Variants in FAM227B observed in about 807,000 individuals in gnomAD.
FAM227B encodes the protein protein FAM227B.
Under a neutral mutation model 73.8 loss-of-function variants are expected in FAM227B, and 88 were observed. That is an observed-to-expected ratio of 1.19 (90% CI 1.00 to 1.42). The LOEUF is 1.42. Among genes scored for constraint, FAM227B ranks in the 40% most tolerant of loss-of-function variants. The pLI is 0.00. For missense variants in FAM227B, 632 were observed against 590.9 expected (o/e 1.07, Z -0.72); for synonymous variants, 210 against 190.5 (o/e 1.10, Z -0.84).
At chr15:49,590,177 TACTAAA>T in intron 3 of FAM227B, among the ~76,000 whole-genome samples, 170 bp from the exon 4 acceptor site, 1 of 152,312 alleles carries the variant, frequency 6.6e-6, no homozygotes. Context: ...ACAAGTCCTT[TACTAAA>T]ACTATTTTCC....
intron 10 of FAM227B, among the ~76,000 whole-genome samples, chr15:49,523,856 A>T (rs938808859): frequency 7.2e-5 from 11 of 152,220 alleles, no homozygotes; most frequent in Non-Finnish European, 1.6e-4. Flanking sequence ...TTTAGCAAAG[A>T]GACTGGTGGC....
intron 3 of FAM227B, among the ~76,000 whole-genome samples, chr15:49,608,305 T>C (rs1334440974): frequency 1.3e-5 from 2 of 152,130 alleles, no homozygotes; most frequent in Admixed American, 6.5e-5. Context: ...ATTTTAATTA[T>C]AGCAATTAAC....
chr15:49,378,033 G>T, intron 11 of FAM227B, among the ~76,000 whole-genome samples: 1 of 152,064 alleles, frequency 6.6e-6, no homozygotes, highest in East Asian at 1.9e-4. Context: ...ATTTCATTTT[G>T]TCTATGACAA....
intron 13 of FAM227B, among the ~76,000 whole-genome samples, chr15:49,335,971 A>C (rs2039638959): frequency 6.6e-6 from 1 of 152,046 alleles, no homozygotes; most frequent in Non-Finnish European, 1.5e-5. Flanking sequence ...CTCCTGCCTC[A>C]GCTTCCTGAG....
intron 11 of FAM227B, among the ~76,000 whole-genome samples, chr15:49,479,610 T>TTTTTTTG (rs1567359360): frequency 6.0e-5 from 8 of 133,946 alleles, no homozygotes; most frequent in African/African-American, 2.0e-4. Context: ...TTTTTTTTTT[T>TTTTTTTG]TTTTTTTTTT....
chr15:49,499,165 CAAAAAAAAAAAA>C (rs11355557), intron 11 of FAM227B, among the ~76,000 whole-genome samples: 2 of 53,042 alleles, frequency 3.8e-5, no homozygotes, highest in Admixed American at 2.8e-4. Flanking sequence ...GACTCCGTCT[CAAAAAAAAAAAA>C]AAAAAAAAAA....
At chr15:49,415,947 G>A (rs2049181153) in intron 11 of FAM227B, among the ~76,000 whole-genome samples, 1 of 152,096 alleles carries the variant, frequency 6.6e-6, no homozygotes, top group African/African-American at 2.4e-5. Flanking sequence ...TCAAGTTTGG[G>A]TTGACGTGTC....
intron 11 of FAM227B, among the ~76,000 whole-genome samples, chr15:49,454,270 G>A (rs1041083892): frequency 1.3e-5 from 2 of 152,050 alleles, no homozygotes; most frequent in African/African-American, 4.8e-5. Flanking sequence ...AGTTTCATAG[G>A]GGGCAGGGCA....
chr15:49,483,885 A>T (rs1234676784), intron 11 of FAM227B, among the ~76,000 whole-genome samples: 2 of 152,062 alleles, frequency 1.3e-5, no homozygotes, highest in African/African-American at 4.8e-5. Flanking sequence ...ATTGAAGACA[A>T]TGTAGAAGTA....
intron 1 of FAM227B, among the ~76,000 whole-genome samples, chr15:49,616,583 G>C (rs1255566643): frequency 1.2e-4 from 19 of 152,096 alleles, no homozygotes; most frequent in Admixed American, 1.2e-3. Context: ...GGCCTCACTA[G>C]AAACTCACAC....
intron 11 of FAM227B, among the ~76,000 whole-genome samples, chr15:49,408,240 T>G (rs1419712186): frequency 6.6e-6 from 1 of 152,254 alleles, no homozygotes; most frequent in Non-Finnish European, 1.5e-5. Flanking sequence ...TGCTCAAATC[T>G]TTGTAGGTAT....
intron 13 of FAM227B, among the ~76,000 whole-genome samples, chr15:49,363,329 G>A (rs994467844): frequency 6.6e-6 from 1 of 152,086 alleles, no homozygotes; most frequent in African/African-American, 2.4e-5. Context: ...TTGTTGTAGA[G>A]ATCTTTTGCT....
intron 10 of FAM227B, among the ~76,000 whole-genome samples, chr15:49,533,018 C>T (rs1040036497): frequency 2.0e-5 from 3 of 151,648 alleles, no homozygotes; most frequent in South Asian, 2.1e-4. Flanking sequence ...TTTTGTGTGT[C>T]CCCCCCACAC....
In FAM227B at chr15:49,371,408, GAAAAT is replaced by G; in HGVS notation, c.1013-14_1013-10del. On this transcript the variant is annotated splice_polypyrimidine_tract_variant and intron_variant, in intron 11 of 15. Transcript: ENST00000299338. The stretch of plus-strand genomic sequence containing the variant: ...AATATTGAAGTCGATACCTAAAACA[GAAAAT>G]AAAATACTTTTTAAAATTCTGGTAT... 1 of 1,468,274 alleles carries G rather than the reference GAAAAT, an allele frequency of 6.8e-7. No homozygotes were observed. Among genetic ancestry groups the G allele is most frequent in the Non-Finnish European group, 9.3e-7 (1 of 1,072,688 alleles). The allele number at this position is 1,468,274 out of a possible 1,614,324, so 91.0% of individuals were successfully genotyped here. A position where few individuals can be genotyped will look rare whatever the true frequency, so the allele number is the denominator to read the frequency against.
At chr15:49,462,248 A>G (rs2053867414) in intron 11 of FAM227B, among the ~76,000 whole-genome samples, 1 of 152,242 alleles carries the variant, frequency 6.6e-6, no homozygotes, top group Non-Finnish European at 1.5e-5. Flanking sequence ...CTTTAATCAT[A>G]TATGAGTACA....
chr15:49,537,515 A>G (rs965606689), intron 10 of FAM227B, among the ~76,000 whole-genome samples: 3 of 152,104 alleles, frequency 2.0e-5, no homozygotes, highest in African/African-American at 7.2e-5. Flanking sequence ...AGAGTTCCTA[A>G]AGAAATTTAA....
At chr15:49,395,344 C>T (rs912140321) in intron 11 of FAM227B, among the ~76,000 whole-genome samples, 1 of 152,002 alleles carries the variant, frequency 6.6e-6, no homozygotes, top group African/African-American at 2.4e-5. Flanking sequence ...AATGTTTCCA[C>T]TTCAATAATG....
intron 3 of FAM227B, among the ~76,000 whole-genome samples, chr15:49,600,461 C>T (rs1488674025): frequency 6.6e-6 from 1 of 151,468 alleles, no homozygotes; most frequent in Admixed American, 6.6e-5. Context: ...TGAGACCCAC[C>T]TGACCAATAT....
At chr15:49,350,115 T>G (rs2163096) in intron 13 of FAM227B, among the ~76,000 whole-genome samples, 63,733 of 151,836 alleles carry the variant, frequency 0.42, 13,513 homozygotes, top group African/African-American at 0.45. Flanking sequence ...GGTATATCAA[T>G]TTCTATAAAA....
Sources: allele counts gnomAD v4.1 joint callset (sites outside exome capture counted in the v4.1 genomes callset), GRCh38; gene constraint gnomAD v4.1.1; transcripts MANE v1.5; gene names NCBI Gene and HGNC (gene_info 2026-07-23, HGNC 2026-07-21).